The following VPS35L variants were observed in gnomAD, a reference collection of about 807,000 sequenced individuals.
VPS35L encodes VPS35 endosomal protein-sorting factor-like.
A neutral mutation model predicts 133.0 loss-of-function variants in VPS35L; 83 were observed. That is an observed-to-expected ratio of 0.62 (90% CI 0.52 to 0.75). The LOEUF is 0.75. Among genes scored for constraint, VPS35L ranks in the 30% least tolerant of loss-of-function variants. VPS35L has a pLI of 0.00. For missense variants in VPS35L, 1,083 were observed against 1,206.8 expected, an observed-to-expected ratio of 0.90 and a Z score of 1.52; for synonymous variants, 423 against 449.9, an observed-to-expected ratio of 0.94 and a Z score of 0.76.
chr16:19,604,255 A>G (rs1040479777), intron 9 of VPS35L, among the ~76,000 whole-genome samples: 4 of 151,940 alleles, frequency 2.6e-5, no homozygotes, highest in Non-Finnish European at 5.9e-5. Flanking sequence ...CCCCAGAAGC[A>G]TTTGAATTTG....
Position 19,689,881 on chromosome 16 carries a change from G to C in VPS35L, c.2528-1472G>C, listed in dbSNP as rs958749503. Among the ~76,000 whole-genome samples the C allele has an allele frequency of 3.9e-5, 6 of 152,144 alleles. No homozygotes were observed. The East Asian group carries it at 9.6e-4, about 24-fold the overall frequency. On this transcript the variant is annotated intron_variant, in intron 28 of 30. Transcript: ENST00000417362. ...CCCCCAAGGATAAGGGGGCATTATT[G>C]TATGCTGATATAAAAATAGCACGAA... is the stretch of plus-strand genomic sequence containing the variant.
intron 2 of VPS35L, among the ~76,000 whole-genome samples, chr16:19,565,427 C>T (rs1438136008): frequency 2.6e-5 from 4 of 152,184 alleles, no homozygotes; most frequent in African/African-American, 9.7e-5. Flanking sequence ...ACGGCAACCT[C>T]TGCCTCCCAG....
chr16:19,592,291 G>C (rs1043189941), intron 8 of VPS35L, among the ~76,000 whole-genome samples: 2 of 151,158 alleles, frequency 1.3e-5, no homozygotes, highest in Admixed American at 1.3e-4. Context: ...TGTTGCCCAG[G>C]CTGCTCTCAA....
chr16:19,593,189 A>T (rs73533724), intron 8 of VPS35L, among the ~76,000 whole-genome samples: 2,877 of 152,208 alleles, frequency 0.019, 95 homozygotes, highest in African/African-American at 0.064. Context: ...AGGCCAGAAC[A>T]TCGTGCCATT....
In VPS35L at chr16:19,647,843, GT is replaced by G; in HGVS notation, c.1993del (p.Cys665AlafsTer10). 1 of 1,614,098 alleles carries G rather than the reference GT, an allele frequency of 6.2e-7. No individual in the cohort carries two copies. The highest frequency in any genetic ancestry group is 8.5e-7 in the Non-Finnish European group (1 of 1,180,016). On this transcript the variant is annotated frameshift_variant, in exon 24 of 31. Coordinates refer to ENST00000417362, the MANE Select transcript of VPS35L (RefSeq NM_020314.7). LOFTEE classifies it high-confidence loss of function. Reference sequence around the variant, plus strand: ...GTTTTTATGTTGAGTCCAGGTCGATGTTTTGCAATCTGGAGCCTGTTCTTGT... The same window carrying G: ...GTTTTTATGTTGAGTCCAGGTCGATGTTTGCAATCTGGAGCCTGTTCTTGT... ...LSFYVESRSMFCNLEPVLVQL... is the reference protein window; with the variant it reads ...LSFYVESRSMXCNLEPVLVQL...
chr16:19,698,337 C>T (rs1975988396), intron 29 of VPS35L, among the ~76,000 whole-genome samples: 2 of 152,146 alleles, frequency 1.3e-5, no homozygotes, highest in African/African-American at 4.8e-5. Flanking sequence ...CTCTGGCTTC[C>T]CTTCTTCCTC....
chr16:19,651,832 T>TGTA, intron 25 of VPS35L, 144 bp from the exon 26 acceptor site: 1 of 667,906 alleles, frequency 1.5e-6, no homozygotes, highest in Non-Finnish European at 2.7e-6. Context: ...AGAGCAGAGT[T>TGTA]GTACAAGAGG....
At position 19,633,024 on chromosome 16, in the gene VPS35L, C is replaced by T. The variant is rs1973506183; in HGVS notation, c.1555-68C>T. On this transcript the variant is annotated intron_variant, in intron 18 of 30. Coordinates refer to ENST00000417362, the MANE Select transcript of VPS35L (RefSeq NM_020314.7). This position sits in a 1 kb window ranked among gnomAD's most constrained non-coding sequence, Gnocchi z 4.1. ...ATATTCTGAATACGTTAGTCCTTTC[C>T]CCCAGGAACATGGTCAGCAGTTGCC... 1 of 1,224,120 alleles carries T rather than the reference C, an allele frequency of 8.2e-7. No homozygotes were observed. 75.8% of individuals were successfully genotyped at this position (1,224,120 alleles called of 1,614,324 possible).
chr16:19,624,107 CTTTTTTTTTTT>C (rs1182015325), intron 14 of VPS35L, among the ~76,000 whole-genome samples: 2 of 65,840 alleles, frequency 3.0e-5, no homozygotes, highest in Non-Finnish European at 5.6e-5. Context: ...CCTACCAGGT[CTTTTTTTTTTT>C]TTTTTTTTTT....
At chr16:19,671,575 G>A (rs1407361528) in intron 27 of VPS35L, among the ~76,000 whole-genome samples, 4 of 151,312 alleles carry the variant, frequency 2.6e-5, no homozygotes, top group East Asian at 1.9e-4. Flanking sequence ...TCAGGTGTTC[G>A]AGACCAGCCT....
intron 20 of VPS35L, among the ~76,000 whole-genome samples, chr16:19,638,834 G>C (rs1973699232): frequency 6.6e-6 from 1 of 152,222 alleles, no homozygotes; most frequent in Non-Finnish European, 1.5e-5. Flanking sequence ...GCTGGGCTTA[G>C]TGGCTCACAC....
In VPS35L at chr16:19,682,890, C is replaced by G. The variant is rs112341879; in HGVS notation, c.2527+500C>G. On this transcript the variant is annotated intron_variant, in intron 28 of 30. Coordinates refer to ENST00000417362, the MANE Select transcript of VPS35L (RefSeq NM_020314.7). ...AAAAGGAAAAAAAAGAGTACAGATT[C>G]TTCAGCCCCATCCTGCCCTTGATTG... 8.7e-3 allele frequency among the ~76,000 whole-genome samples: 1,324 copies of G among 152,006 alleles called. 17 individuals are homozygous for G. Among genetic ancestry groups the G allele is most frequent in the African/African-American group, 0.031 (1,284 of 41,452 alleles).
chr16:19,666,919 T>TTTCTTC (rs1567470455), intron 26 of VPS35L, among the ~76,000 whole-genome samples: 34 of 90,262 alleles, frequency 3.8e-4, no homozygotes, highest in African/African-American at 1.9e-3. Flanking sequence ...TTTCTTTCTT[T>TTTCTTC]CTTTCTTTCT....
At chr16:19,608,336 T>A in intron 10 of VPS35L, 62 bp downstream of exon 10, 1 of 1,241,788 alleles carries the variant, frequency 8.1e-7, no homozygotes, top group Non-Finnish European at 1.2e-6. Flanking sequence ...ATTGTACTGT[T>A]AATAGAAGCC....
intron 15 of VPS35L, among the ~76,000 whole-genome samples, chr16:19,627,147 G>T (rs892058673): frequency 6.6e-6 from 1 of 152,016 alleles, no homozygotes; most frequent in African/African-American, 2.4e-5. Flanking sequence ...GCCGAGCATG[G>T]TGGCGCATGC....
At position 19,664,638 on chromosome 16, in the gene VPS35L, C is replaced by A. The variant is rs181349427; in HGVS notation, c.2222-4522C>A. On this transcript the variant is annotated intron_variant, in intron 26 of 30. Transcript: ENST00000417362. ...TGTCCCAGCAGGGAACGGTGGCTCACGCCTGTAATCCCAGCACTTTGGGAA... is the reference window on the plus strand; with the variant it reads ...TGTCCCAGCAGGGAACGGTGGCTCAAGCCTGTAATCCCAGCACTTTGGGAA... 6.6e-5 allele frequency among the ~76,000 whole-genome samples: 10 copies of A among 151,766 alleles called. No individual in the cohort carries two copies. The East Asian group carries it at 1.7e-3, about 26-fold the overall frequency.
chr16:19,610,851 T>A (rs1972693199), intron 12 of VPS35L, among the ~76,000 whole-genome samples: 2 of 152,094 alleles, frequency 1.3e-5, no homozygotes, highest in Admixed American at 1.3e-4. Flanking sequence ...TCAGGGTCTG[T>A]GTGGCCTGGC....
intron 27 of VPS35L, among the ~76,000 whole-genome samples, chr16:19,680,545 C>CACGAGAT (rs1299430798): frequency 6.6e-6 from 1 of 152,118 alleles, no homozygotes; most frequent in Non-Finnish European, 1.5e-5. Context: ...CCAGGAAAAC[C>CACGAGAT]ACGAGATATT....
intron 22 of VPS35L, among the ~76,000 whole-genome samples, chr16:19,644,417 T>G (rs974006548): frequency 2.6e-5 from 4 of 152,196 alleles, no homozygotes; most frequent in Admixed American, 2.6e-4. Flanking sequence ...GTTTCCTTTT[T>G]GGGGAGAACG....
Sources: gnomAD v4.1 joint callset for allele counts (sites outside exome capture counted in the v4.1 genomes callset) on GRCh38, gnomAD v4.1.1 for gene constraint, Gnocchi (gnomAD v3.1) non-coding constraint, MANE v1.5 for transcripts, NCBI Gene and HGNC (gene_info 2026-07-23, HGNC 2026-07-21) for gene names.